Variants in ANKRD27 observed in about 807,000 individuals in gnomAD.
The protein encoded by ANKRD27 is ankyrin repeat domain 27.
Under a neutral mutation model 129.7 loss-of-function variants are expected in ANKRD27, and 112 were observed. That is an observed-to-expected ratio of 0.86 (90% CI 0.74 to 1.01). The LOEUF is 1.01. Among genes scored for constraint, ANKRD27 ranks in the 50% least tolerant of loss-of-function variants. The pLI is 0.00. For synonymous variants in ANKRD27, 516 were observed against 511.2 expected, an observed-to-expected ratio of 1.01 and a Z score of -0.13; for missense variants, 1,258 against 1,300.5, an observed-to-expected ratio of 0.97 and a Z score of 0.50.
In ANKRD27 at chr19:32,598,223, C is replaced by T; in HGVS notation, c.3075G>A (p.Glu1025=). 6.2e-7 allele frequency: 1 copy of T among 1,614,192 alleles called. No individual in the cohort carries two copies. Among genetic ancestry groups the T allele is most frequent in the Non-Finnish European group, 8.5e-7 (1 of 1,180,046 alleles). Residue 1025 remains glutamate, a synonymous_variant, in exon 29 of 29, where the codon GAG becomes GAA. Coordinates refer to ENST00000306065, the MANE Select transcript of ANKRD27 (RefSeq NM_032139.3). ...CCGGGCCCTGGGACACGACCGCATC[C>T]TCTACCGTGTGTCTCCGCAGCATCC... ...HRRMLRRHTV[E]DAVVSQGPEA...
chr19:32,607,321 C>T (rs1470241779), intron 23 of ANKRD27, among the ~76,000 whole-genome samples: 4 of 152,014 alleles, frequency 2.6e-5, no homozygotes, highest in African/African-American at 7.2e-5. Flanking sequence ...GTAAGATGAC[C>T]ATGGGGACAG....
chr19:32,654,885 G>A (rs1967490108), intron 2 of ANKRD27: 1 of 152,188 alleles, frequency 6.6e-6, no homozygotes, highest in Non-Finnish European at 1.5e-5. Context: ...AGGTACAATA[G>A]ATTCTCATGC....
At chr19:32,648,732 G>A (rs259237) in intron 3 of ANKRD27, among the ~76,000 whole-genome samples, 116,924 of 151,062 alleles carry the variant, frequency 0.77, 45,850 homozygotes, top group African/African-American at 0.9. Flanking sequence ...CCTGGGAGGC[G>A]GAGCTCGCAG....
At position 32,604,373 on chromosome 19, in the gene ANKRD27, C is replaced by T. The variant is rs768370303; in HGVS notation, c.2545G>A (p.Glu849Lys). The T allele has an allele frequency of 1.2e-6, 2 of 1,613,970 alleles. No individual in the cohort carries two copies. The highest frequency in any genetic ancestry group is 8.5e-7 in the Non-Finnish European group (1 of 1,179,906). ...AAGACGTGCTTTTCAATCACAGCCTCGTGCAGCGCTGTGTTGCCCTTATTG... is the reference window on the plus strand; with the variant it reads ...AAGACGTGCTTTTCAATCACAGCCTTGTGCAGCGCTGTGTTGCCCTTATTG... The part of the protein sequence containing the change: ...SNNKGNTALH[E>K]AVIEKHVFVV... The change falls in exon 25 of 29, where the codon GAG (glutamate) becomes AAG (lysine). Residue 849 changes from glutamate (E) to lysine (K), a missense_variant. Transcript: ENST00000306065.
At chr19:32,623,357 C>T (rs1262909639) in intron 17 of ANKRD27, among the ~76,000 whole-genome samples, 1 of 152,100 alleles carries the variant, frequency 6.6e-6, no homozygotes, top group East Asian at 1.9e-4. Context: ...TGCTGAACGC[C>T]CGAGTTTCTT....
At chr19:32,606,622 T>C (rs1041285894) in intron 23 of ANKRD27, among the ~76,000 whole-genome samples, 8 of 34,338 alleles carry the variant, frequency 2.3e-4, no homozygotes, top group Non-Finnish European at 6.8e-4. Context: ...TTCACCTTTC[T>C]ATCCTTTCTA....
rs554916049 is a variant in ANKRD27 at position 32,603,206 on chromosome 19, G to A, written c.2655+1057C>T. ...CCAGCTACTCAGGAGGCTGAGGCAC[G>A]AGAATCGCTTGAACCCAGGAGGCAG... On this transcript the variant is annotated intron_variant, in intron 25 of 28. Transcript: ENST00000306065. Among the ~76,000 whole-genome samples the A allele has an allele frequency of 1.7e-4, 26 of 152,202 alleles. 1 individual carries two copies. The South Asian group carries it at 5.4e-3, about 32-fold the overall frequency.
chr19:32,612,587 G>A (rs556718270), intron 22 of ANKRD27, among the ~76,000 whole-genome samples: 22 of 152,224 alleles, frequency 1.4e-4, no homozygotes, highest in African/African-American at 3.6e-4. Flanking sequence ...TCAAGACAGC[G>A]CGGTACTGGT....
rs1214330852 is a variant in ANKRD27 at position 32,643,209 on chromosome 19, G to A, written c.706-10C>T. On this transcript the variant is annotated splice_polypyrimidine_tract_variant and intron_variant, in intron 8 of 28. Transcript: ENST00000306065. Reference sequence around the variant, plus strand: ...TGTTAAAGGCCGCATCCTAACAACAGATTTTAACGAACCTTCAAATTTCTC... The same window carrying A: ...TGTTAAAGGCCGCATCCTAACAACAAATTTTAACGAACCTTCAAATTTCTC... 1 of 1,614,096 alleles carries A rather than the reference G, an allele frequency of 6.2e-7. No homozygotes were observed. Among genetic ancestry groups the A allele is most frequent in the African/African-American group, 1.3e-5 (1 of 75,042 alleles).
intron 1 of ANKRD27, among the ~76,000 whole-genome samples, chr19:32,668,435 G>T (rs1967801215): frequency 6.6e-6 from 1 of 151,346 alleles, no homozygotes; most frequent in African/African-American, 2.4e-5. Flanking sequence ...ATGTGCTGGG[G>T]TTACAAGGCA....
chr19:32,623,739 C>T (rs1972049029), intron 17 of ANKRD27, among the ~76,000 whole-genome samples: 2 of 151,878 alleles, frequency 1.3e-5, no homozygotes, highest in South Asian at 2.1e-4. Flanking sequence ...TTAGTAGAGA[C>T]AGGGTTTCAC....
intron 12 of ANKRD27, among the ~76,000 whole-genome samples, chr19:32,632,606 G>T (rs888700082): frequency 3.1e-5 from 4 of 127,836 alleles, no homozygotes; most frequent in African/African-American, 1.1e-4. Context: ...AAAAAAAAAA[G>T]GCAAAACTCT....
intron 12 of ANKRD27, chr19:32,639,083 T>C: frequency 4.3e-6 from 2 of 461,340 alleles, no homozygotes; most frequent in Non-Finnish European, 7.6e-6. Flanking sequence ...CTGGCTTCCC[T>C]TTGCACCCAC....
chr19:32,653,486 GCT>G (rs1481264423), intron 2 of ANKRD27, among the ~76,000 whole-genome samples: 3 of 152,152 alleles, frequency 2.0e-5, no homozygotes, highest in African/African-American at 7.2e-5. Flanking sequence ...TGCCCAGCCT[GCT>G]CTGAGGACGC....
rs1213887535 is a variant in ANKRD27 at position 32,599,906 on chromosome 19, G to A, written c.2846+66C>T. The A allele has an allele frequency of 3.3e-6, 5 of 1,522,294 alleles. No individual in the cohort carries two copies. In the African/African-American group the frequency reaches 6.9e-5, roughly 21 times the overall value. The allele number at this position is 1,522,294 out of a possible 1,614,324, so 94.3% of individuals were successfully genotyped here. ...TCCATAACCAATTACAATTGAAGCA[G>A]CTTACGTGCAGCTTGGAGTAAACTA... is the stretch of plus-strand genomic sequence containing the variant. On this transcript the variant is annotated intron_variant, in intron 27 of 28. Coordinates refer to ENST00000306065, the MANE Select transcript of ANKRD27 (RefSeq NM_032139.3).
At position 32,641,930 on chromosome 19, in the gene ANKRD27, G is replaced by A. The variant is rs1019540795; in HGVS notation, c.904+94C>T. The A allele has an allele frequency of 1.2e-5, 17 of 1,432,740 alleles. No individual in the cohort carries two copies. In the African/African-American group the frequency reaches 2.1e-4, roughly 18 times the overall value. 88.8% of individuals were successfully genotyped at this position (1,432,740 alleles called of 1,614,324 possible). ...TTACAGAGGTGAGCCACTGCACCCAGCCCCATAAAAATCCCTTAAGACAGC... is the reference window on the plus strand; with the variant it reads ...TTACAGAGGTGAGCCACTGCACCCAACCCCATAAAAATCCCTTAAGACAGC... On this transcript the variant is annotated intron_variant, in intron 10 of 28. Transcript: ENST00000306065.
intron 13 of ANKRD27, 23 bp from the exon 14 acceptor site, chr19:32,628,872 C>T (rs1966939053): frequency 6.2e-7 from 1 of 1,613,116 alleles, no homozygotes; most frequent in African/African-American, 1.3e-5. Flanking sequence ...ATCCAAGATG[C>T]TATCCACATG....
intron 22 of ANKRD27, among the ~76,000 whole-genome samples, chr19:32,609,069 C>T (rs962779265): frequency 1.3e-5 from 2 of 149,366 alleles, no homozygotes; most frequent in African/African-American, 2.5e-5. Flanking sequence ...GGTTTTGCCA[C>T]GTTGGCTAGG....
In ANKRD27 at chr19:32,643,139, C is replaced by T. The variant is rs1568412028; in HGVS notation, c.766G>A (p.Val256Met). 2 of 1,613,846 alleles carry T rather than the reference C, an allele frequency of 1.2e-6. No individual in the cohort carries two copies. The highest frequency in any genetic ancestry group is 1.1e-5 in the South Asian group (1 of 91,060). ...AACCCTTACCTGAACTCCGGTTTCACACCAATATCTTTCTGCTGAAGATCT... is the reference window on the plus strand; with the variant it reads ...AACCCTTACCTGAACTCCGGTTTCATACCAATATCTTTCTGCTGAAGATCT... ...LQDLQQKDIG[V>M]KPEFSFNIPR... The change falls in exon 9 of 29, where the codon GTG (valine) becomes ATG (methionine). Residue 256 changes from valine (V) to methionine (M), a missense_variant. Physicochemically the swap from Val to Met is conservative, Grantham distance 21. Coordinates refer to ENST00000306065, the MANE Select transcript of ANKRD27 (RefSeq NM_032139.3).
Sources: gnomAD v4.1 joint callset for allele counts (sites outside exome capture counted in the v4.1 genomes callset) on GRCh38, gnomAD v4.1.1 for gene constraint, MANE v1.5 for transcripts, NCBI Gene and HGNC (gene_info 2026-07-23, HGNC 2026-07-21) for gene names.